Variants in ARMC8 observed in about 807,000 individuals in gnomAD.
ARMC8 encodes the protein armadillo repeat containing 8.
In ARMC8, 20 loss-of-function variants were observed where a neutral mutation model predicts 99.3. That is an observed-to-expected ratio of 0.20 (90% CI 0.14 to 0.29). The LOEUF (loss-of-function observed/expected upper bound fraction) is 0.29. Ranked by LOEUF, ARMC8 falls within the 10% of genes least tolerant of loss-of-function variation. ARMC8 has a pLI of 1.00. For synonymous variants in ARMC8, 263 were observed against 278.3 expected, an observed-to-expected ratio of 0.95 and a Z score of 0.55; for missense variants, 569 against 809.5, an observed-to-expected ratio of 0.70 and a Z score of 3.60.
intron 5 of ARMC8, among the ~76,000 whole-genome samples, chr3:138,224,654 G>T (rs2108089006): frequency 6.6e-6 from 1 of 152,310 alleles, no homozygotes; most frequent in East Asian, 1.9e-4. Flanking sequence ...GGGAGGCTGA[G>T]CCATGAAAAT....
intron 2 of ARMC8, among the ~76,000 whole-genome samples, chr3:138,214,177 T>C (rs2044872231): frequency 6.7e-6 from 1 of 150,022 alleles, no homozygotes; most frequent in South Asian, 2.1e-4. Context: ...AAAAAAAAGG[T>C]TAGCAGATAT....
At chr3:138,187,786 C>A in intron 1 of ARMC8, 187 bp downstream of exon 1, 1 of 623,404 alleles carries the variant, frequency 1.6e-6, no homozygotes, top group Non-Finnish European at 2.7e-6. Flanking sequence ...GCGGCCGAGC[C>A]AAAGACGTTT....
At chr3:138,281,047 T>C (rs2049857142) in intron 18 of ARMC8, among the ~76,000 whole-genome samples, 1 of 152,202 alleles carries the variant, frequency 6.6e-6, no homozygotes, top group Non-Finnish European at 1.5e-5. Context: ...TGGAAGCAAC[T>C]ATAGACAATA....
At chr3:138,216,895 G>GC (rs1210865076) in intron 2 of ARMC8, among the ~76,000 whole-genome samples, 1 of 152,162 alleles carries the variant, frequency 6.6e-6, no homozygotes, top group Admixed American at 6.5e-5. Context: ...ATATAGTCAT[G>GC]CTCTACACAA....
At position 138,267,162 on chromosome 3, in the gene ARMC8, A is replaced by T; in HGVS notation, c.1307A>T (p.Gln436Leu). 6.4e-7 allele frequency: 1 copy of T among 1,557,740 alleles called. No homozygotes were observed. Among genetic ancestry groups the T allele is most frequent in the Non-Finnish European group, 8.7e-7 (1 of 1,146,622 alleles). ...CCTTTTTTAATTCCATAGGTTTTAC[A>T]AAATGCACCAGATGAAATCCTAGTG... Reference protein sequence around the residue: ...AVWKPLMKVLQNAPDEILVVA... With the variant: ...AVWKPLMKVLLNAPDEILVVA... The change falls in exon 15 of 22, where the codon CAA becomes CTA. Residue 436 changes from glutamine (Q) to leucine (L), a missense_variant. Gln to Leu is a moderately radical substitution (Grantham distance 113, BLOSUM62 -2). This residue lies in a region of ARMC8 where 227 missense variants were observed against 417.9 expected (regional missense o/e 0.54). Transcript: ENST00000469044.
At chr3:138,293,119 TTGTC>T (rs2051132466) in intron 21 of ARMC8, among the ~76,000 whole-genome samples, 1 of 152,168 alleles carries the variant, frequency 6.6e-6, no homozygotes, top group Non-Finnish European at 1.5e-5. Context: ...GGCTGTCAGG[TTGTC>T]TGCTCCACTG....
At chr3:138,262,625 A>C (rs1244734690) in intron 12 of ARMC8, 2 of 1,544,182 alleles carry the variant, frequency 1.3e-6, no homozygotes, top group Non-Finnish European at 1.7e-6. Flanking sequence ...TTAGGTGCCT[A>C]GCCCTGACCC....
intron 18 of ARMC8, among the ~76,000 whole-genome samples, chr3:138,275,765 A>G (rs1033442693): frequency 1.3e-5 from 2 of 152,308 alleles, no homozygotes; most frequent in South Asian, 2.1e-4. Flanking sequence ...AGGAGCTGCA[A>G]TTGAATTTGT....
At chr3:138,293,431 G>A (rs1383563468) in intron 21 of ARMC8, among the ~76,000 whole-genome samples, 2 of 152,046 alleles carry the variant, frequency 1.3e-5, no homozygotes, top group East Asian at 3.9e-4. Context: ...CCTAGCTACT[G>A]GGGAGGCTGA....
intron 1 of ARMC8, among the ~76,000 whole-genome samples, chr3:138,194,176 G>T (rs2043560797): frequency 6.6e-6 from 1 of 150,874 alleles, no homozygotes; most frequent in African/African-American, 2.4e-5. Context: ...CCGAGTAGCT[G>T]GGACTACAGG....
At chr3:138,197,761 C>T (rs542769348) in intron 1 of ARMC8, among the ~76,000 whole-genome samples, 2 of 152,302 alleles carry the variant, frequency 1.3e-5, no homozygotes, top group South Asian at 2.1e-4. Flanking sequence ...ATCTCATTTG[C>T]TCTATCCAGA....
intron 1 of ARMC8, among the ~76,000 whole-genome samples, chr3:138,199,082 G>A (rs2043906689): frequency 6.6e-6 from 1 of 152,112 alleles, no homozygotes; most frequent in South Asian, 2.1e-4. Flanking sequence ...GCATTGTGAA[G>A]TAACATTTTA....
At chr3:138,222,707 A>T (rs2045467850) in intron 3 of ARMC8, among the ~76,000 whole-genome samples, 1 of 152,248 alleles carries the variant, frequency 6.6e-6, no homozygotes, top group Admixed American at 6.5e-5. Flanking sequence ...TTTAGTAACT[A>T]TAAAGCTGTC....
intron 1 of ARMC8, among the ~76,000 whole-genome samples, chr3:138,200,331 G>A (rs2043981765): frequency 7.3e-6 from 1 of 136,870 alleles, no homozygotes; most frequent in Non-Finnish European, 1.5e-5. Context: ...ATGTTTTTAT[G>A]TGACTTTCTG....
At chr3:138,231,895 G>A (rs917410387) in intron 6 of ARMC8, among the ~76,000 whole-genome samples, 2 of 144,702 alleles carry the variant, frequency 1.4e-5, no homozygotes, top group South Asian at 2.3e-4. Flanking sequence ...ATGAGAGACC[G>A]ATAAGTCTCA....
chr3:138,240,121 A>G (rs1309702319), intron 10 of ARMC8, among the ~76,000 whole-genome samples: 1 of 152,074 alleles, frequency 6.6e-6, no homozygotes, highest in Non-Finnish European at 1.5e-5. Flanking sequence ...GATGCCTCGG[A>G]CTCCAGATTA....
intron 18 of ARMC8, among the ~76,000 whole-genome samples, chr3:138,276,465 G>C (rs2049303768): frequency 6.6e-6 from 1 of 152,040 alleles, no homozygotes; most frequent in Non-Finnish European, 1.5e-5. Context: ...TTCCTACCAA[G>C]CACAAGAAGG....
intron 12 of ARMC8, among the ~76,000 whole-genome samples, chr3:138,253,135 A>T (rs1461914953): frequency 6.6e-6 from 1 of 152,208 alleles, no homozygotes; most frequent in Non-Finnish European, 1.5e-5. Context: ...CTTATTAAGC[A>T]AATATATTAA....
At chr3:138,277,020 T>C (rs1422975559) in intron 18 of ARMC8, among the ~76,000 whole-genome samples, 1 of 152,086 alleles carries the variant, frequency 6.6e-6, no homozygotes. Context: ...GTTTCAAGAC[T>C]TAATTATAAA....
Sources: gnomAD v4.1 joint callset for allele counts (sites outside exome capture counted in the v4.1 genomes callset) on GRCh38, gnomAD v4.1.1 for gene constraint, gnomAD v4.1.1 regional missense constraint, MANE v1.5 for transcripts, NCBI Gene and HGNC (gene_info 2026-07-23, HGNC 2026-07-21) for gene names.